CACNA1H: variants seen among roughly 807,000 people sequenced by gnomAD.
CACNA1H encodes the protein calcium voltage-gated channel subunit alpha1 H.
Under a neutral mutation model 192.5 loss-of-function variants are expected in CACNA1H, and 149 were observed. The observed-to-expected ratio is 0.77, with a 90% CI of 0.68 to 0.89. CACNA1H has a LOEUF of 0.89. CACNA1H is among the 40% of genes least tolerant of loss of function. CACNA1H has a pLI of 0.00. For missense variants in CACNA1H, 4,257 were observed against 3,423.5 expected (o/e 1.24, Z -6.08); for synonymous variants, 2,202 against 1,475.2 (o/e 1.49, Z -11.29).
chr16:1,199,892 C>T lies in CACNA1H; in HGVS notation c.804-364C>T, dbSNP rs145933806. Among the ~76,000 whole-genome samples the T allele has an allele frequency of 4.6e-3, 707 of 152,194 alleles. 5 individuals carry two copies. Among genetic ancestry groups the T allele is most frequent in the African/African-American group, 0.016 (662 of 41,496 alleles). ...CTTCCAGGAGTTGCTGAGGTCTGAG[C>T]CTGGGTTTCTGGCTCTTGGGTCTCC... is the stretch of plus-strand genomic sequence containing the variant. On this transcript the variant is annotated intron_variant, in intron 6 of 34. Transcript: ENST00000348261.
chr16:1,170,353 G>T (rs1321806128), intron 2 of CACNA1H, among the ~76,000 whole-genome samples: 2 of 152,222 alleles, frequency 1.3e-5, no homozygotes, highest in Admixed American at 6.5e-5. Context: ...TCCCTGGGAC[G>T]GAGCCAGCGG....
chr16:1,220,227 G>A lies in CACNA1H; in HGVS notation c.6295G>A (p.Glu2099Lys), dbSNP rs774769004. The A allele has an allele frequency of 1.4e-5, 22 of 1,580,368 alleles. No individual in the cohort carries two copies. The highest frequency in any genetic ancestry group is 2.8e-5 in the African/African-American group (2 of 72,506). The change falls in exon 35 of 35, where the codon GAG (glutamate) becomes AAG (lysine). Residue 2099 changes from glutamate to lysine, a missense_variant. Physicochemically the swap from Glu to Lys is moderately conservative, Grantham distance 56 (BLOSUM62 1). Transcript: ENST00000348261. ...GGCCGAGGCCTCGGACCCAGCCGAC[G>A]AGGAGGTCAGCCACATCACCAGCTC... Reference protein sequence around the residue: ...EEAEASDPADEEVSHITSSAC... With the variant: ...EEAEASDPADKEVSHITSSAC...
At position 1,153,871 on chromosome 16, in the gene CACNA1H, A is replaced by G; in HGVS notation, c.134A>G (p.Glu45Gly). Residue 45 changes from glutamate to glycine, a missense_variant, in exon 2 of 35, where the codon GAG becomes GGG. Coordinates refer to ENST00000348261, the MANE Select transcript of CACNA1H (RefSeq NM_021098.3). ...GGACGCGAGGCGGAGCGGGGGTCCG[A>G]GCTCGGCGTGTCACCCTCCGAGAGC... ...APGREAERGSELGVSPSESPA... is the reference protein window; with the variant it reads ...APGREAERGSGLGVSPSESPA... 1 of 1,400,476 alleles carries G rather than the reference A, an allele frequency of 7.1e-7. No individual in the cohort carries two copies. Among genetic ancestry groups the G allele is most frequent in the African/African-American group, 1.5e-5 (1 of 65,938 alleles). The allele number at this position is 1,400,476 out of a possible 1,614,324, so 86.8% of individuals were successfully genotyped here.
At chr16:1,218,170 G>C in intron 32 of CACNA1H, 40 bp from the exon 33 acceptor site, 1 of 1,537,690 alleles carries the variant, frequency 6.5e-7, no homozygotes, top group African/African-American at 1.4e-5. Flanking sequence ...GCACCCGCGG[G>C]TGGGTGTGGA....
chr16:1,177,188 A>G (rs999574529), intron 2 of CACNA1H, among the ~76,000 whole-genome samples: 1 of 152,060 alleles, frequency 6.6e-6, no homozygotes, highest in Non-Finnish European at 1.5e-5. Flanking sequence ...GGACCCTTGG[A>G]TTTCTAAGTG....
At chr16:1,203,337 C>G (rs116649505) in intron 9 of CACNA1H, among the ~76,000 whole-genome samples, 2,390 of 152,264 alleles carry the variant, frequency 0.016, 62 homozygotes, top group African/African-American at 0.055. Flanking sequence ...TCGAGTCAAA[C>G]AGAATCCCGT....
In CACNA1H at chr16:1,202,340, C is replaced by T. The variant is rs755382298; in HGVS notation, c.1890C>T (p.Pro630=). 129 of 1,574,132 alleles carry T rather than the reference C, an allele frequency of 8.2e-5. No individual in the cohort carries two copies. The highest frequency in any genetic ancestry group is 9.7e-5 in the Non-Finnish European group (113 of 1,162,186). ...GCAGCGGCAAAGGCAGCACCAGCCC[C>T]GGACCCAAGGGGAAGTGGGCCGGTG... is the stretch of plus-strand genomic sequence containing the variant. The part of the protein sequence containing the change: ...GVGSGKGSTS[P]GPKGKWAGGP... Residue 630 remains proline (P), a synonymous_variant, in exon 9 of 35, where the codon CCC becomes CCT. Coordinates refer to ENST00000348261, the MANE Select transcript of CACNA1H (RefSeq NM_021098.3).
chr16:1,200,628 G>A (rs996377281), intron 7 of CACNA1H, 57 bp downstream of exon 7: 5 of 1,599,296 alleles, frequency 3.1e-6, no homozygotes, highest in Admixed American at 1.7e-5. Context: ...AGCGGGTGCA[G>A]GACTCGCCCC....
Position 1,201,769 on chromosome 16 carries a change from A to C in CACNA1H, c.1319A>C (p.His440Pro), listed in dbSNP as rs1216626910. The change falls in exon 9 of 35, where the codon CAC becomes CCC. Residue 440 changes from histidine to proline, a missense_variant. His to Pro is a moderately conservative substitution (Grantham distance 77, BLOSUM62 -2). Coordinates refer to ENST00000348261, the MANE Select transcript of CACNA1H (RefSeq NM_021098.3). The part of the protein sequence containing the change: ...SQLMREQRAR[H>P]LSNDSTLASF... ...CTGATGCGGGAGCAGCGGGCACGCC[A>C]CCTGTCCAACGACAGCACGCTGGCC... 1 of 1,605,746 alleles carries C rather than the reference A, an allele frequency of 6.2e-7. No homozygotes were observed. Among genetic ancestry groups the C allele is most frequent in the South Asian group, 1.1e-5 (1 of 89,600 alleles).
chr16:1,158,876 G>T, intron 2 of CACNA1H, among the ~76,000 whole-genome samples: 1 of 147,064 alleles, frequency 6.8e-6, no homozygotes, highest in African/African-American at 2.7e-5. Context: ...CCCTGGCCCC[G>T]CAGGGCCCCC....
rs769040448 is a variant in CACNA1H, at chr16:1,210,479, G to C, written c.3955G>C (p.Asp1319His). The C allele has an allele frequency of 6.2e-7, 1 of 1,611,968 alleles. No homozygotes were observed. Among genetic ancestry groups the C allele is most frequent in the South Asian group, 1.1e-5 (1 of 91,050 alleles). The change falls in exon 19 of 35, where the codon GAT (aspartate) becomes CAT (histidine). Residue 1319 changes from aspartate to histidine, a missense_variant. By Grantham distance (81) the Asp-to-His change is moderately conservative (BLOSUM62 -1). Transcript: ENST00000348261. ...CATCGCCCTGGAGAGGCCTGACATT[G>C]ATCCCGGCAGCACCGTGAGTCAGCC... ...VTIALERPDI[D>H]PGSTERVFLS...
At position 1,207,298 on chromosome 16, in the gene CACNA1H, C is replaced by G. The variant is rs376470846; in HGVS notation, c.2931C>G (p.Asn977Lys). 7 of 1,610,154 alleles carry G rather than the reference C, an allele frequency of 4.3e-6. No homozygotes were observed. The highest frequency in any genetic ancestry group is 5.9e-6 in the Non-Finnish European group (7 of 1,178,394). The change falls in exon 14 of 35, where the codon AAC becomes AAG. Residue 977 changes from asparagine (N) to lysine (K), a missense_variant. By Grantham distance (94) the Asn-to-Lys change is moderately conservative. Coordinates refer to ENST00000348261, the MANE Select transcript of CACNA1H (RefSeq NM_021098.3). ...VFQILTQEDW[N>K]VVLYNGMAST... The stretch of plus-strand genomic sequence containing the variant: ...AGATCCTGACCCAGGAGGACTGGAA[C>G]GTGGTCCTGTACAACGGCATGGCCT...
chr16:1,204,230 C>G lies in CACNA1H; in HGVS notation c.2223C>G (p.Asp741Glu), dbSNP rs1402942281. 3.1e-6 allele frequency: 5 copies of G among 1,611,046 alleles called. No individual in the cohort carries two copies. The highest frequency in any genetic ancestry group is 4.2e-6 in the Non-Finnish European group (5 of 1,179,182). The change falls in exon 10 of 35, where the codon GAC (aspartate) becomes GAG (glutamate). Residue 741 changes from aspartate (D) to glutamate (E), a missense_variant. By Grantham distance (45) the Asp-to-Glu change is conservative. Transcript: ENST00000348261. ...TQDVRHGDRW[D>E]PTRPPRATDT... ...ACGTCCGGCACGGTGACCGCTGGGA[C>G]CCCACGCGACCACCCCGTGCGACGG... is the stretch of plus-strand genomic sequence containing the variant.
chr16:1,208,274 T>C lies in CACNA1H; in HGVS notation c.3363+53T>C, dbSNP rs138543754. ...CAGGCCCCTTCAGGTTTTCCCTGCC[T>C]GGCTCCTTATGGCCTTCCCTGAAGA... On this transcript the variant is annotated intron_variant, in intron 16 of 34. Coordinates refer to ENST00000348261, the MANE Select transcript of CACNA1H (RefSeq NM_021098.3). The C allele has an allele frequency of 3.4e-4, 426 of 1,259,330 alleles. 1 individual carries two copies. In the African/African-American group the frequency reaches 5.9e-3, roughly 17 times the overall value. The allele number at this position is 1,259,330 out of a possible 1,614,324, so 78.0% of individuals were successfully genotyped here.
In CACNA1H at chr16:1,186,057, G is replaced by GGTCGGCGT. The variant is rs750308813; in HGVS notation, c.300-8914_300-8913insTCGGCGTG. 4.7e-4 allele frequency among the ~76,000 whole-genome samples: 44 copies of GGTCGGCGT among 93,162 alleles called. 1 individual carries two copies. The highest frequency in any genetic ancestry group is 1.1e-3 in the African/African-American group (19 of 17,676). The allele number at this position is 93,162 out of a possible 152,430, so 61.1% of individuals were successfully genotyped here. A position where few individuals can be genotyped will look rare whatever the true frequency, so the allele number is the denominator to read the frequency against. On this transcript the variant is annotated intron_variant, in intron 2 of 34. Coordinates refer to ENST00000348261, the MANE Select transcript of CACNA1H (RefSeq NM_021098.3). ...GTGTGTACGGGGCGGGTGAGTAGAC[G>GGTCGGCGT]GCGTAGGGGCCGGAGGCGGGGTGTG...
intron 16 of CACNA1H, 78 bp from the exon 17 acceptor site, chr16:1,208,954 C>T (rs1435405255): frequency 9.7e-6 from 13 of 1,339,318 alleles, no homozygotes; most frequent in Non-Finnish European, 1.3e-5. Flanking sequence ...GTGGCTTGCA[C>T]ACAGTGGGTG....
chr16:1,209,983 G>C, intron 17 of CACNA1H, 52 bp from the exon 18 acceptor site: 2 of 1,389,212 alleles, frequency 1.4e-6, no homozygotes, highest in Non-Finnish European at 9.9e-7. Context: ...GCCCTGATGG[G>C]GGGCCGGGCA....
chr16:1,172,636 T>C (rs925362645), intron 2 of CACNA1H, among the ~76,000 whole-genome samples: 1 of 152,044 alleles, frequency 6.6e-6, no homozygotes, highest in Non-Finnish European at 1.5e-5. Context: ...CGATTTATTA[T>C]TAAAGCAGCC....
intron 2 of CACNA1H, among the ~76,000 whole-genome samples, chr16:1,186,927 G>A (rs574065730): frequency 4.6e-5 from 7 of 152,246 alleles, no homozygotes; most frequent in South Asian, 2.1e-4. Context: ...GGGTGGACAC[G>A]GACACAGGGC....
Sources: allele counts gnomAD v4.1 joint callset (sites outside exome capture counted in the v4.1 genomes callset), GRCh38; gene constraint gnomAD v4.1.1; transcripts MANE v1.5; gene names NCBI Gene and HGNC (gene_info 2026-07-23, HGNC 2026-07-21).